The following FUT8 variants were observed in gnomAD, a reference collection of about 807,000 sequenced individuals.
The protein encoded by FUT8 is alpha-(1,6)-fucosyltransferase.
FUT8 carries 29 observed loss-of-function variants against 71.3 expected under a neutral mutation model. That is an observed-to-expected ratio of 0.41 (90% CI 0.30 to 0.55). The LOEUF (loss-of-function observed/expected upper bound fraction) is 0.55, where lower values mean the gene tolerates loss of function less well. Among genes scored for constraint, FUT8 ranks in the 20% least tolerant of loss-of-function variants. The probability of loss-of-function intolerance (pLI) is 0.34; values close to 1 mark genes in which losing one functional copy is unlikely to be tolerated. For missense variants in FUT8, 544 were observed against 702.1 expected, an observed-to-expected ratio of 0.77 and a Z score of 2.55; for synonymous variants, 254 against 239.3, an observed-to-expected ratio of 1.06 and a Z score of -0.57.
chr14:65,675,269 T>A (rs1406429032), intron 7 of FUT8, among the ~76,000 whole-genome samples: 1 of 152,366 alleles, frequency 6.6e-6, no homozygotes, highest in Admixed American at 6.5e-5. Context: ...TTTTCGTGTT[T>A]ATCCTGTAAG....
At chr14:65,363,263 AGGTGCCC>A in the FUT8 span, among the ~76,000 whole-genome samples, 1 of 112,978 alleles carries the variant, frequency 8.9e-6, no homozygotes, top group Non-Finnish European at 2.3e-5. Context: ...CTGGGATTAC[AGGTGCCC>A]GCCACCAAGC....
chr14:65,485,814 C>G (rs895875773), intron 2 of FUT8, among the ~76,000 whole-genome samples: 1 of 152,220 alleles, frequency 6.6e-6, no homozygotes, highest in African/African-American at 2.4e-5. Context: ...CCTAGCTCCC[C>G]TTGGATTTCT....
chr14:65,703,356 T>C (rs964315947), intron 7 of FUT8, among the ~76,000 whole-genome samples: 1 of 152,220 alleles, frequency 6.6e-6, no homozygotes, highest in Non-Finnish European at 1.5e-5. Flanking sequence ...TTTTGCTTCA[T>C]AGTTCTTTTT....
At position 65,575,145 on chromosome 14, in the gene FUT8, G is replaced by A. The variant is rs551180694; in HGVS notation, c.203+13379G>A. On this transcript the variant is annotated intron_variant, in intron 3 of 10. Coordinates refer to ENST00000673929, the MANE Select transcript of FUT8 (RefSeq NM_001371533.1). ...TAATAGTCTAGGAGTGCCTCTGGAC[G>A]GCTGTGTCCAAGGGTATAAATTTGC... is the stretch of plus-strand genomic sequence containing the variant. Among the ~76,000 whole-genome samples the A allele has an allele frequency of 1.2e-3, 175 of 150,544 alleles. 1 individual carries two copies. The highest frequency in any genetic ancestry group is 3.9e-3 in the African/African-American group (159 of 41,058).
Position 65,576,104 on chromosome 14 carries a change from T to C in FUT8, c.203+14338T>C, listed in dbSNP as rs140613041. ...ATAGCTCACTTGCTGTGAATAGTTGTCTGCTTTTTTTGGTTTGCTTAGCTT... is the reference window on the plus strand; with the variant it reads ...ATAGCTCACTTGCTGTGAATAGTTGCCTGCTTTTTTTGGTTTGCTTAGCTT... On this transcript the variant is annotated intron_variant, in intron 3 of 10. Transcript: ENST00000673929. Among the ~76,000 whole-genome samples, 25 of 152,306 alleles carry C rather than the reference T, an allele frequency of 1.6e-4. No individual in the cohort carries two copies. The East Asian group carries it at 4.4e-3, about 27-fold the overall frequency.
At chr14:65,495,655 G>C (rs2066547466) in intron 2 of FUT8, among the ~76,000 whole-genome samples, 1 of 152,070 alleles carries the variant, frequency 6.6e-6, no homozygotes, top group South Asian at 2.1e-4. Context: ...AGAGATACCA[G>C]GTTAAAATAC....
intron 9 of FUT8, among the ~76,000 whole-genome samples, chr14:65,731,117 G>C (rs1004293489): frequency 1.8e-4 from 28 of 152,314 alleles, no homozygotes; most frequent in African/African-American, 6.7e-4. Context: ...TAATATGCTG[G>C]ACACAGCACA....
intron 6 of FUT8, among the ~76,000 whole-genome samples, chr14:65,631,641 A>T (rs1253966174): frequency 6.7e-6 from 1 of 150,368 alleles, no homozygotes; most frequent in East Asian, 1.9e-4. Flanking sequence ...GGAAAAGGTG[A>T]TTTTTTTTTT....
the FUT8 span, among the ~76,000 whole-genome samples, chr14:65,373,480 G>GA: frequency 6.6e-6 from 1 of 151,948 alleles, no homozygotes. Flanking sequence ...ATAGGATGCA[G>GA]AAAGACCAAA....
In FUT8 at chr14:65,451,092, G is replaced by A. The variant is rs376663152; in HGVS notation, c.-325-4529G>A. On this transcript the variant is annotated intron_variant, in intron 1 of 10. Transcript: ENST00000673929. Reference sequence around the variant, plus strand: ...AGGATGGTCTTGATCTCCTGACCTCGTGATCCGCCCGCCTCAGCCTCCCAA... The same window carrying A: ...AGGATGGTCTTGATCTCCTGACCTCATGATCCGCCCGCCTCAGCCTCCCAA... Among the ~76,000 whole-genome samples, 14 of 152,202 alleles carry A rather than the reference G, an allele frequency of 9.2e-5. No individual in the cohort carries two copies. The East Asian group carries it at 2.1e-3, about 23-fold the overall frequency.
chr14:65,633,283 G>A (rs1413540285), intron 6 of FUT8, among the ~76,000 whole-genome samples: 1 of 152,220 alleles, frequency 6.6e-6, no homozygotes, highest in South Asian at 2.1e-4. Flanking sequence ...GGCCTCCTGA[G>A]GTGCCTGGAT....
In FUT8 at chr14:65,717,464, C is replaced by T. The variant is rs552093139; in HGVS notation, c.836-4311C>T. Among the ~76,000 whole-genome samples, 614 of 134,834 alleles carry T rather than the reference C, an allele frequency of 4.6e-3. 7 individuals carry two copies. Among genetic ancestry groups the T allele is most frequent in the Non-Finnish European group, 7.5e-3 (483 of 64,030 alleles). The allele number at this position is 134,834 out of a possible 152,430, so 88.5% of individuals were successfully genotyped here. On this transcript the variant is annotated intron_variant, in intron 7 of 10. Transcript: ENST00000673929. ...CCCAGACAGGGCAGCTGGGCAGAGG[C>T]GCTCCTCACTTCCTAGACGGGGCGG... is the stretch of plus-strand genomic sequence containing the variant.
At position 65,571,818 on chromosome 14, in the gene FUT8, T is replaced by C. The variant is rs1245874288; in HGVS notation, c.203+10052T>C. 3.3e-5 allele frequency among the ~76,000 whole-genome samples: 5 copies of C among 152,124 alleles called. No homozygotes were observed. The East Asian group carries it at 7.7e-4, about 23-fold the overall frequency. On this transcript the variant is annotated intron_variant, in intron 3 of 10. Coordinates refer to ENST00000673929, the MANE Select transcript of FUT8 (RefSeq NM_001371533.1). ...AAGGGGTTTTCAGGCAACAAAAGTA[T>C]TATATCAGTTGTTCTATTTAGAACA...
chr14:65,543,059 G>A (rs936366405), intron 2 of FUT8, among the ~76,000 whole-genome samples: 2 of 152,188 alleles, frequency 1.3e-5, no homozygotes, highest in Non-Finnish European at 2.9e-5. Context: ...TGGGATTACA[G>A]GCGTGAGCCA....
intron 2 of FUT8, among the ~76,000 whole-genome samples, chr14:65,536,973 T>C (rs1220090718): frequency 3.6e-4 from 54 of 148,922 alleles, no homozygotes; most frequent in South Asian, 4.3e-4. Flanking sequence ...CTTCTTCTTT[T>C]TTTTTTTTTT....
intron 7 of FUT8, among the ~76,000 whole-genome samples, chr14:65,692,361 A>AC (rs1323318237): frequency 9.0e-5 from 9 of 100,356 alleles, no homozygotes; most frequent in South Asian, 3.4e-4. Context: ...CGGGGGGCTG[A>AC]CCCCCCCACC....
At chr14:65,435,129 CA>C (rs1251269023) in intron 1 of FUT8, among the ~76,000 whole-genome samples, 1 of 152,208 alleles carries the variant, frequency 6.6e-6, no homozygotes, top group East Asian at 1.9e-4. Context: ...CACAGATGCT[CA>C]GGTCCCTTAT....
chr14:65,712,556 T>C (rs1298178124), intron 7 of FUT8, among the ~76,000 whole-genome samples: 1 of 152,154 alleles, frequency 6.6e-6, no homozygotes, highest in African/African-American at 2.4e-5. Flanking sequence ...GCGATTCTCC[T>C]GCCTCAGCCT....
At chr14:65,575,346 T>C (rs1216496610) in intron 3 of FUT8, among the ~76,000 whole-genome samples, 2 of 152,156 alleles carry the variant, frequency 1.3e-5, no homozygotes, top group Admixed American at 6.5e-5. Context: ...AACTTGCCTT[T>C]AATTTCATTT....
Sources: gnomAD v4.1 joint callset for allele counts (sites outside exome capture counted in the v4.1 genomes callset) on GRCh38, gnomAD v4.1.1 for gene constraint, MANE v1.5 for transcripts, NCBI Gene and HGNC (gene_info 2026-07-23, HGNC 2026-07-21) for gene names.